TXLNG: variants seen among roughly 807,000 people sequenced by gnomAD.
TXLNG encodes taxilin gamma, also known as gamma-taxilin.
TXLNG carries 5 observed loss-of-function variants against 38.8 expected under a neutral mutation model. The observed-to-expected ratio is 0.13, with a 90% CI of 0.07 to 0.27. The LOEUF (loss-of-function observed/expected upper bound fraction) is 0.27. TXLNG is among the 10% of genes least tolerant of loss of function. The probability of loss-of-function intolerance (pLI) is 1.00; values close to 1 mark genes in which losing one functional copy is unlikely to be tolerated. For missense variants in TXLNG, 393 were observed against 398.2 expected (o/e 0.99, Z 0.11); for synonymous variants, 182 against 158.2 (o/e 1.15, Z -1.13).
At chrX:16,825,275 C>T (rs1351494268) in intron 3 of TXLNG, among the ~76,000 whole-genome samples, 3 of 111,939 alleles carry the variant, frequency 2.7e-5, no homozygotes, top group African/African-American at 9.7e-5. Flanking sequence ...TGTGGATCTA[C>T]GTGGTCTCTT....
In TXLNG at chrX:16,822,853, T is replaced by C. The variant is rs1929027608; in HGVS notation, c.498+2598T>C. Among the ~76,000 whole-genome samples, 4 of 111,686 alleles carry C rather than the reference T, an allele frequency of 3.6e-5. No homozygotes were observed. In the South Asian group the frequency reaches 1.5e-3, roughly 42 times the overall value. On this transcript the variant is annotated intron_variant, in intron 3 of 9. Transcript: ENST00000380122. The stretch of plus-strand genomic sequence containing the variant: ...CACATTCTGATTCACTAGGCCTTGG[T>C]TGGGGCCTGAGGATCTGCATTTTAA...
At chrX:16,804,254 G>A (rs931554806) in intron 1 of TXLNG, among the ~76,000 whole-genome samples, 1 of 111,619 alleles carries the variant, frequency 9.0e-6, no homozygotes, top group Middle Eastern at 4.6e-3. Context: ...GTCGGCATAC[G>A]ATCTGTTTTA....
intron 9 of TXLNG, among the ~76,000 whole-genome samples, chrX:16,840,762 A>T (rs778535971): frequency 4.8e-4 from 53 of 110,964 alleles, no homozygotes; most frequent in African/African-American, 1.6e-3. Flanking sequence ...ACAGAGCGAG[A>T]CTGTCTCAAA....
chrX:16,804,532 G>C (rs1446034298), intron 1 of TXLNG, among the ~76,000 whole-genome samples: 2 of 106,339 alleles, frequency 1.9e-5, no homozygotes, highest in African/African-American at 6.9e-5. Flanking sequence ...TGAGTGACCT[G>C]TTTGCCCACA....
chrX:16,795,073 C>A lies in TXLNG; in HGVS notation c.102+8484C>A, dbSNP rs774267401. Among the ~76,000 whole-genome samples, 144 of 110,078 alleles carry A rather than the reference C, an allele frequency of 1.3e-3. 1 individual carries two copies. The highest frequency in any genetic ancestry group is 4.4e-3 in the African/African-American group (134 of 30,297). On this transcript the variant is annotated intron_variant, in intron 1 of 9. Coordinates refer to ENST00000380122, the MANE Select transcript of TXLNG (RefSeq NM_018360.3). ...CAGGCGGATCACGAGGTCAGGAGAT[C>A]GAGACCATCCTGGCTAAGATGGTGA...
intron 3 of TXLNG, among the ~76,000 whole-genome samples, chrX:16,820,467 T>C (rs1038913780): frequency 1.5e-4 from 17 of 112,090 alleles, no homozygotes; most frequent in African/African-American, 5.5e-4. Flanking sequence ...ATTGTAATAC[T>C]AAGATGTGGC....
intron 1 of TXLNG, among the ~76,000 whole-genome samples, chrX:16,807,142 C>T (rs1420025465): frequency 1.8e-5 from 2 of 110,919 alleles, no homozygotes; most frequent in Non-Finnish European, 3.8e-5. Flanking sequence ...AACTCCAATT[C>T]CTTAAATAAT....
At chrX:16,835,284 A>G (rs1018202665) in intron 7 of TXLNG, among the ~76,000 whole-genome samples, 2 of 111,417 alleles carry the variant, frequency 1.8e-5, no homozygotes, top group African/African-American at 6.5e-5. Flanking sequence ...GACTGGCATG[A>G]TCTTCATGAG....
intron 1 of TXLNG, among the ~76,000 whole-genome samples, chrX:16,793,098 CAA>C (rs995516017): frequency 1.2e-5 from 1 of 83,377 alleles, no homozygotes; most frequent in African/African-American, 4.5e-5. Flanking sequence ...GACTCCGTGT[CAA>C]AAAAAAAAAA....
At chrX:16,792,458 T>A (rs1927736058) in intron 1 of TXLNG, among the ~76,000 whole-genome samples, 1 of 111,475 alleles carries the variant, frequency 9.0e-6, no homozygotes, top group African/African-American at 3.3e-5. Flanking sequence ...ATGAATAACT[T>A]TTAGTTAATA....
Position 16,841,981 on chromosome X carries a change from G to C in TXLNG, c.*215G>C. 2.4e-6 allele frequency: 1 copy of C among 409,503 alleles called. No homozygotes were observed. Among genetic ancestry groups the C allele is most frequent in the Non-Finnish European group, 4.2e-6 (1 of 238,141 alleles). 33.7% of individuals were successfully genotyped at this position (409,503 alleles called of 1,213,427 possible). A position where few individuals can be genotyped will look rare whatever the true frequency, so the allele number is the denominator to read the frequency against. On this transcript the variant is annotated 3_prime_UTR_variant, in exon 10 of 10. Transcript: ENST00000380122. ...CTCAGCTGTGTTGCACATCAGCCTC[G>C]TTCTCCCTCCACTGGAATGCATGTG...
chrX:16,792,670 A>G (rs144365284), intron 1 of TXLNG, among the ~76,000 whole-genome samples: 7 of 110,394 alleles, frequency 6.3e-5, no homozygotes, highest in Admixed American at 2.0e-4. Flanking sequence ...AGTTCCAGCT[A>G]CTTGGGAGGC....
intron 1 of TXLNG, among the ~76,000 whole-genome samples, chrX:16,801,841 C>T (rs920497312): frequency 1.4e-4 from 16 of 110,529 alleles, no homozygotes; most frequent in Middle Eastern, 4.7e-3. Context: ...ATAAAAAGCC[C>T]AGGCTTTGAA....
chrX:16,842,990 T>A lies in TXLNG; in HGVS notation c.*1224T>A, dbSNP rs1309053053. 1 of 112,445 alleles carries A rather than the reference T, an allele frequency of 8.9e-6. No homozygotes were observed. The highest frequency in any genetic ancestry group is 1.9e-5 in the Non-Finnish European group (1 of 53,293). The allele number at this position is 112,445 out of a possible 1,213,427, so 9.3% of individuals were successfully genotyped here. A position where few individuals can be genotyped will look rare whatever the true frequency, so the allele number is the denominator to read the frequency against. On this transcript the variant is annotated 3_prime_UTR_variant, in exon 10 of 10. Transcript: ENST00000380122. ...GAAAATTTGAAATTAAGCACATAAC[T>A]TTTGAATTAGTTCTTTGTTTCAATG...
At chrX:16,787,441 C>T (rs1260713998) in intron 1 of TXLNG, among the ~76,000 whole-genome samples, 3 of 110,944 alleles carry the variant, frequency 2.7e-5, no homozygotes, top group Non-Finnish European at 5.7e-5. Flanking sequence ...AATGCCTTCC[C>T]GACCCTGGCC....
chrX:16,840,599 C>T (rs1350081141), intron 9 of TXLNG: 1 of 228,578 alleles, frequency 4.4e-6, no homozygotes, highest in African/African-American at 3.1e-5. Flanking sequence ...TCGTGAAACC[C>T]CGTCTCTACT....
At chrX:16,839,334 G>A (rs1929709372) in intron 8 of TXLNG, 1 of 111,804 alleles carries the variant, frequency 8.9e-6, no homozygotes, top group African/African-American at 3.3e-5. Flanking sequence ...GGAGGTTGTG[G>A]TGGAGTGTCA....
chrX:16,832,777 G>A, intron 6 of TXLNG, 35 bp downstream of exon 6: 1 of 1,160,695 alleles, frequency 8.6e-7, no homozygotes, highest in Non-Finnish European at 1.1e-6. Flanking sequence ...AGACATTATT[G>A]CCAACATTGT....
At chrX:16,787,025 C>T (rs969605831) in intron 1 of TXLNG, among the ~76,000 whole-genome samples, 7 of 112,987 alleles carry the variant, frequency 6.2e-5, no homozygotes, top group Non-Finnish European at 9.4e-5. Flanking sequence ...GCCCTCCTGG[C>T]GTCGGGCAGG....
Sources: allele counts gnomAD v4.1 joint callset (sites outside exome capture counted in the v4.1 genomes callset), GRCh38; gene constraint gnomAD v4.1.1; transcripts MANE v1.5; gene names NCBI Gene and HGNC (gene_info 2026-07-23, HGNC 2026-07-21).